The following TTC9B variants were observed in gnomAD, a reference collection of about 807,000 sequenced individuals.
The protein encoded by TTC9B is tetratricopeptide repeat protein 9B.
TTC9B carries 12 observed loss-of-function variants against 19.4 expected under a neutral mutation model. That is an observed-to-expected ratio of 0.62 (90% CI 0.40 to 1.00). The LOEUF (loss-of-function observed/expected upper bound fraction) is 1.00. Ranked by LOEUF, TTC9B falls within the 50% of genes least tolerant of loss-of-function variation. The pLI, the probability that TTC9B is intolerant of heterozygous loss-of-function variation, is 0.00. For synonymous variants in TTC9B, 156 were observed against 158.6 expected (o/e 0.98, Z 0.12); for missense variants, 316 against 345.2 (o/e 0.92, Z 0.67).
In TTC9B at chr19:40,216,102, C is replaced by CA. The variant is rs907172868; in HGVS notation, c.*60_*61insT. Reference sequence around the variant, plus strand: ...GTGTTTTACCAACAAACACATGAGTCGGGGGAAGTTACATGGTGAGGTGGG... The same window carrying CA: ...GTGTTTTACCAACAAACACATGAGTCAGGGGGAAGTTACATGGTGAGGTGGG... On this transcript the variant is annotated 3_prime_UTR_variant, in exon 3 of 3. Transcript: ENST00000311308. The CA allele has an allele frequency of 1.4e-5, 19 of 1,330,170 alleles. No individual in the cohort carries two copies. In the African/African-American group the frequency reaches 2.7e-4, roughly 19 times the overall value. 82.4% of individuals were successfully genotyped at this position (1,330,170 alleles called of 1,614,324 possible). A position where few individuals can be genotyped will look rare whatever the true frequency, so the allele number is the denominator to read the frequency against.
In TTC9B at chr19:40,217,263, G is replaced by A. The variant is rs1303991767; in HGVS notation, c.534C>T (p.Gly178=). The A allele has an allele frequency of 1.2e-6, 2 of 1,614,058 alleles. No homozygotes were observed. Among genetic ancestry groups the A allele is most frequent in the Admixed American group, 3.3e-5 (2 of 60,026 alleles). Residue 178 remains glycine (G), a synonymous_variant, in exon 2 of 3, where the codon GGC becomes GGT. Coordinates refer to ENST00000311308, the MANE Select transcript of TTC9B (RefSeq NM_152479.6). ...QGNFKATYRA[G]IAFYHLGDYA... ...AGTCGCCCAGGTGGTAGAAGGCAATGCCGGCACGGTAGGTGGCCTTGAAGT... is the reference window on the plus strand; with the variant it reads ...AGTCGCCCAGGTGGTAGAAGGCAATACCGGCACGGTAGGTGGCCTTGAAGT...
At chr19:40,216,518 C>T (rs894543909) in intron 2 of TTC9B, 12 of 522,386 alleles carry the variant, frequency 2.3e-5, no homozygotes, top group African/African-American at 1.7e-4. Flanking sequence ...CGCAGAGGCT[C>T]CCGTCACACT....
chr19:40,218,005 T>C lies in TTC9B; in HGVS notation c.377A>G (p.Gln126Arg). Residue 126 changes from glutamine (Q) to arginine (R), a missense_variant, in exon 1 of 3, where the codon CAG becomes CGG. By Grantham distance (43) the Gln-to-Arg change is conservative (BLOSUM62 1). Transcript: ENST00000311308. This position sits in a 1 kb window ranked among gnomAD's most constrained non-coding sequence, Gnocchi z 4.2. ...SPGPARLSEE[Q>R]RRLVESTEVE... is the part of the protein sequence containing the mutation. ...CTCCGTGCTCTCCACCAGGCGCCGC[T>C]GCTCCTCGCTGAGGCGCGCCGGCCC... The C allele has an allele frequency of 6.8e-7, 1 of 1,477,600 alleles. No homozygotes were observed. Among genetic ancestry groups the C allele is most frequent in the Non-Finnish European group, 8.9e-7 (1 of 1,119,522 alleles). 91.5% of individuals were successfully genotyped at this position (1,477,600 alleles called of 1,614,324 possible). A position where few individuals can be genotyped will look rare whatever the true frequency, so the allele number is the denominator to read the frequency against.
chr19:40,217,078 G>A, intron 2 of TTC9B, 109 bp downstream of exon 2: 1 of 1,264,544 alleles, frequency 7.9e-7, no homozygotes, highest in Non-Finnish European at 1.1e-6. Context: ...CAGCTCCGCG[G>A]GAGGAGGGCT....
At chr19:40,217,409 G>A (rs748519700) in intron 1 of TTC9B, 40 bp from the exon 2 acceptor site, 5 of 1,597,188 alleles carry the variant, frequency 3.1e-6, no homozygotes, top group Middle Eastern at 1.8e-4. Flanking sequence ...GAGCCTGCTG[G>A]CACCCCCAGA....
At chr19:40,217,058 T>C in intron 2 of TTC9B, 129 bp downstream of exon 2, 1 of 1,064,750 alleles carries the variant, frequency 9.4e-7, no homozygotes, top group Non-Finnish European at 1.3e-6. Flanking sequence ...GGCGCAGCCC[T>C]ACCTAGAAGC....
intron 1 of TTC9B, 48 bp downstream of exon 1, chr19:40,217,907 A>G: frequency 7.6e-7 from 1 of 1,318,908 alleles, no homozygotes; most frequent in Non-Finnish European, 9.9e-7. Context: ...AGCTCTCCCG[A>G]TTGCCCCCTC....
intron 2 of TTC9B, chr19:40,216,502 C>A: frequency 1.9e-6 from 1 of 539,772 alleles, no homozygotes. Context: ...GCCAGGAATG[C>A]CTCTTCGCAG....
Position 40,216,138 on chromosome 19 carries a change from A to T in TTC9B, c.*25T>A. The T allele has an allele frequency of 1.3e-6, 2 of 1,591,046 alleles. No homozygotes were observed. The highest frequency in any genetic ancestry group is 1.7e-6 in the Non-Finnish European group (2 of 1,158,982). On this transcript the variant is annotated 3_prime_UTR_variant, in exon 3 of 3. Transcript: ENST00000311308. ...ACATGGTGAGGTGGGAGGGCGAGGG[A>T]TAGAGAGGTCCCCCTGGATTGGCCT...
rs1568497741 is a variant in TTC9B at position 40,216,257 on chromosome 19, C to T, written c.626G>A (p.Arg209His). 6.2e-7 allele frequency: 1 copy of T among 1,613,928 alleles called. No individual in the cohort carries two copies. The highest frequency in any genetic ancestry group is 8.5e-7 in the Non-Finnish European group (1 of 1,179,978). ...CTTCAGCTGAGTCAGCTGGATGTAG[C>T]GGAGCACATTGGTGTCTGCAGGGGA... ...SREPTDTNVL[R>H]YIQLTQLKMN... Residue 209 changes from arginine to histidine, a missense_variant, in exon 3 of 3, where the codon CGC (arginine) becomes CAC (histidine). Transcript: ENST00000311308.
chr19:40,218,283 T>C lies in TTC9B; in HGVS notation c.99A>G (p.Pro33=). 6.9e-7 allele frequency: 1 copy of C among 1,441,364 alleles called. No homozygotes were observed. Among genetic ancestry groups the C allele is most frequent in the Non-Finnish European group, 9.1e-7 (1 of 1,103,006 alleles). 89.3% of individuals were successfully genotyped at this position (1,441,364 alleles called of 1,614,324 possible). A position where few individuals can be genotyped will look rare whatever the true frequency, so the allele number is the denominator to read the frequency against. ...CCGAGCCATGGCGGGAGCCCGAGCC[T>C]GGGCCCGAGCCCGGTGGGGAGAGGG... ...PPALSPPGSG[P]GSGSRHGSAR... The change falls in exon 1 of 3, where the codon CCA becomes CCG. Residue 33 remains proline, a synonymous_variant. Coordinates refer to ENST00000311308, the MANE Select transcript of TTC9B (RefSeq NM_152479.6). The surrounding 1 kb of genome is among the most constrained non-coding windows in gnomAD (Gnocchi z 4.2).
At chr19:40,217,127 C>A in intron 2 of TTC9B, 60 bp downstream of exon 2, 1 of 1,540,100 alleles carries the variant, frequency 6.5e-7, no homozygotes, top group Non-Finnish European at 8.8e-7. Flanking sequence ...GTTCCCTCCG[C>A]TGCAGCCCCT....
At chr19:40,217,620 C>A in intron 1 of TTC9B, 1 of 536,836 alleles carries the variant, frequency 1.9e-6, no homozygotes, top group Non-Finnish European at 3.2e-6. Context: ...TAAGGCCCCG[C>A]GCGGGGGCGA....
chr19:40,217,017 G>T (rs976763743), intron 2 of TTC9B, 170 bp downstream of exon 2: 27 of 675,736 alleles, frequency 4.0e-5, no homozygotes, highest in Middle Eastern at 4.1e-4. Context: ...GTGGATGAAT[G>T]GATGAGTGGG....
chr19:40,218,290 G>C lies in TTC9B; in HGVS notation c.92C>G (p.Ser31Trp), dbSNP rs1380745314. 2.1e-6 allele frequency: 3 copies of C among 1,424,054 alleles called. No individual in the cohort carries two copies. The highest frequency in any genetic ancestry group is 2.7e-6 in the Non-Finnish European group (3 of 1,095,696). 88.2% of individuals were successfully genotyped at this position (1,424,054 alleles called of 1,614,324 possible). The change falls in exon 1 of 3, where the codon TCG becomes TGG. Residue 31 changes from serine to tryptophan, a missense_variant. Coordinates refer to ENST00000311308, the MANE Select transcript of TTC9B (RefSeq NM_152479.6). The surrounding 1 kb of genome is among the most constrained non-coding windows in gnomAD (Gnocchi z 4.2). ...RPPPALSPPG[S>W]GPGSGSRHGS... ...ATGGCGGGAGCCCGAGCCTGGGCCCGAGCCCGGTGGGGAGAGGGCGGGAGG... is the reference window on the plus strand; with the variant it reads ...ATGGCGGGAGCCCGAGCCTGGGCCCCAGCCCGGTGGGGAGAGGGCGGGAGG...
At position 40,217,317 on chromosome 19, in the gene TTC9B, A is replaced by G; in HGVS notation, c.480T>C (p.Cys160=). The G allele has an allele frequency of 2.5e-6, 4 of 1,613,918 alleles. No individual in the cohort carries two copies. Among genetic ancestry groups the G allele is most frequent in the Non-Finnish European group, 3.4e-6 (4 of 1,179,916 alleles). ...LVNYERVREY[C]LKVLEKQQGN... Reference sequence around the variant, plus strand: ...CCTGCTGCTTCTCCAGTACCTTGAGACAGTACTCGCGCACGCGCTCGTAGT... The same window carrying G: ...CCTGCTGCTTCTCCAGTACCTTGAGGCAGTACTCGCGCACGCGCTCGTAGT... Residue 160 remains cysteine (C), a synonymous_variant, in exon 2 of 3, where the codon TGT becomes TGC. Coordinates refer to ENST00000311308, the MANE Select transcript of TTC9B (RefSeq NM_152479.6).
Position 40,218,293 on chromosome 19 carries a change from C to T in TTC9B, c.89G>A (p.Gly30Asp), listed in dbSNP as rs1266300821. Reference protein sequence around the residue: ...PRPPPALSPPGSGPGSGSRHG... With the variant: ...PRPPPALSPPDSGPGSGSRHG... ...GCGGGAGCCCGAGCCTGGGCCCGAG[C>T]CCGGTGGGGAGAGGGCGGGAGGCGG... Residue 30 changes from glycine to aspartate, a missense_variant, in exon 1 of 3, where the codon GGC becomes GAC. Transcript: ENST00000311308. The surrounding 1 kb of genome is among the most constrained non-coding windows in gnomAD (Gnocchi z 4.2). 7.1e-7 allele frequency: 1 copy of T among 1,417,998 alleles called. No individual in the cohort carries two copies. The highest frequency in any genetic ancestry group is 9.1e-7 in the Non-Finnish European group (1 of 1,092,966). 87.8% of individuals were successfully genotyped at this position (1,417,998 alleles called of 1,614,324 possible).
At chr19:40,217,468 C>A in intron 1 of TTC9B, 99 bp from the exon 2 acceptor site, 2 of 1,426,308 alleles carry the variant, frequency 1.4e-6, no homozygotes, top group Non-Finnish European at 1.9e-6. Context: ...GGGAACCAGG[C>A]CTAAGGGATT....
At position 40,216,195 on chromosome 19, in the gene TTC9B, C is replaced by A. The variant is rs747191917; in HGVS notation, c.688G>T (p.Ala230Ser). The change falls in exon 3 of 3, where the codon GCT (alanine) becomes TCT (serine). Residue 230 changes from alanine (A) to serine (S), a missense_variant. Transcript: ENST00000311308. The part of the protein sequence containing the change: ...RCSLQREDSG[A>S]GSQTRDVIG ...ATTACATCCCGAGTCTGGGACCCAG[C>A]CCCACTGTCTTCCCGCTGGAGGCTG... is the stretch of plus-strand genomic sequence containing the variant. 6.2e-7 allele frequency: 1 copy of A among 1,614,204 alleles called. No individual in the cohort carries two copies. Among genetic ancestry groups the A allele is most frequent in the South Asian group, 1.1e-5 (1 of 91,082 alleles).
Sources: gnomAD v4.1 joint callset for allele counts on GRCh38, gnomAD v4.1.1 for gene constraint, Gnocchi (gnomAD v3.1) non-coding constraint, MANE v1.5 for transcripts, NCBI Gene and HGNC (gene_info 2026-07-23, HGNC 2026-07-21) for gene names.